The following MEMO1 variants were observed in gnomAD, a reference collection of about 807,000 sequenced individuals.
The protein encoded by MEMO1 is mediator of cell motility 1, also known as protein MEMO1.
In MEMO1, 6 loss-of-function variants were observed where a neutral mutation model predicts 45.2. The ratio of observed to expected loss-of-function variants is 0.13; its 90% CI spans 0.07 to 0.26. MEMO1 has a LOEUF of 0.26. MEMO1 is among the 10% of genes least tolerant of loss of function. The pLI is 1.00. For synonymous variants in MEMO1, 78 were observed against 124.3 expected (o/e 0.63, Z 2.48); for missense variants, 184 against 370.5 (o/e 0.50, Z 4.13).
At chr2:31,888,250 C>G (rs1034220159) in intron 7 of MEMO1, among the ~76,000 whole-genome samples, 11 of 151,978 alleles carry the variant, frequency 7.2e-5, no homozygotes, top group African/African-American at 2.7e-4. Flanking sequence ...ATCCTCCTGC[C>G]TCAGCCTCCC....
intron 3 of MEMO1, among the ~76,000 whole-genome samples, chr2:31,933,405 A>T (rs980120580): frequency 7.4e-6 from 1 of 134,984 alleles, no homozygotes; most frequent in African/African-American, 2.7e-5. Context: ...AGAGGGGAAA[A>T]AGAGGTACAG....
intron 2 of MEMO1, among the ~76,000 whole-genome samples, chr2:31,997,284 T>A (rs1672725947): frequency 6.6e-6 from 1 of 152,048 alleles, no homozygotes; most frequent in African/African-American, 2.4e-5. Flanking sequence ...TAAGAAATCG[T>A]CAAGCAACCT....
At chr2:31,884,205 G>GA (rs1267032154) in intron 7 of MEMO1, among the ~76,000 whole-genome samples, 5 of 152,052 alleles carry the variant, frequency 3.3e-5, no homozygotes, top group African/African-American at 1.2e-4. Flanking sequence ...AAAAGTCTCA[G>GA]AAAATAAATT....
chr2:31,896,869 G>A (rs1463578846), intron 6 of MEMO1, among the ~76,000 whole-genome samples: 1 of 151,816 alleles, frequency 6.6e-6, no homozygotes, highest in African/African-American at 2.4e-5. Flanking sequence ...CACAAAAGAA[G>A]ATATACAAAT....
intron 2 of MEMO1, among the ~76,000 whole-genome samples, chr2:31,960,404 C>A (rs551997716): frequency 2.0e-5 from 3 of 152,120 alleles, no homozygotes; most frequent in South Asian, 2.1e-4. Flanking sequence ...TTAATTATAG[C>A]CTTTCTAAAC....
chr2:31,947,868 T>A (rs998859167), intron 2 of MEMO1, among the ~76,000 whole-genome samples: 6 of 152,168 alleles, frequency 3.9e-5, no homozygotes, highest in Non-Finnish European at 8.8e-5. Context: ...ATTAACAGAA[T>A]CATTCTAAAA....
At chr2:31,958,354 C>T (rs760374479) in intron 2 of MEMO1, among the ~76,000 whole-genome samples, 2 of 151,248 alleles carry the variant, frequency 1.3e-5, no homozygotes, top group African/African-American at 2.4e-5. Flanking sequence ...CTGAAGCAGA[C>T]GTGTTAATGT....
chr2:31,943,666 A>G (rs563134968), intron 2 of MEMO1, among the ~76,000 whole-genome samples: 2 of 152,342 alleles, frequency 1.3e-5, no homozygotes, highest in Non-Finnish European at 2.9e-5. Flanking sequence ...AGTTGAGGCA[A>G]TATTTAAACA....
chr2:31,986,525 G>T (rs1671283951), intron 2 of MEMO1, among the ~76,000 whole-genome samples: 1 of 152,076 alleles, frequency 6.6e-6, no homozygotes, highest in African/African-American at 2.4e-5. Flanking sequence ...TATTTATTGT[G>T]TAACCAAAAT....
intron 3 of MEMO1, among the ~76,000 whole-genome samples, chr2:31,940,906 TCTC>T (rs1315612982): frequency 1.3e-5 from 2 of 152,082 alleles, no homozygotes; most frequent in Admixed American, 6.6e-5. Flanking sequence ...ATACACTACT[TCTC>T]ATCATCTCTG....
chr2:31,928,479 G>C (rs1026906549), intron 4 of MEMO1, among the ~76,000 whole-genome samples: 4 of 151,286 alleles, frequency 2.6e-5, no homozygotes, highest in African/African-American at 9.7e-5. Context: ...CTCAGGAGGC[G>C]GAGGTTGCAG....
At chr2:31,899,570 C>A (rs2148033360) in intron 6 of MEMO1, among the ~76,000 whole-genome samples, 1 of 152,274 alleles carries the variant, frequency 6.6e-6, no homozygotes, top group Non-Finnish European at 1.5e-5. Flanking sequence ...AGACCTAAAA[C>A]CATAAAAACT....
At chr2:31,922,149 A>C (rs541482423) in intron 4 of MEMO1, among the ~76,000 whole-genome samples, 38 of 152,292 alleles carry the variant, frequency 2.5e-4, no homozygotes, top group African/African-American at 8.7e-4. Flanking sequence ...TTGCTCAATT[A>C]ATGAACAAAA....
At chr2:31,879,792 A>G (rs1675083604) in intron 8 of MEMO1, among the ~76,000 whole-genome samples, 1 of 152,202 alleles carries the variant, frequency 6.6e-6, no homozygotes, top group African/African-American at 2.4e-5. Context: ...AATACTCAAT[A>G]AATACATGTG....
intron 3 of MEMO1, among the ~76,000 whole-genome samples, chr2:31,940,551 A>G (rs1665489582): frequency 6.6e-6 from 1 of 152,192 alleles, no homozygotes. Flanking sequence ...TCTTAAAAAT[A>G]TATTTAAAGA....
intron 2 of MEMO1, among the ~76,000 whole-genome samples, chr2:32,004,030 T>G (rs1022456142): frequency 6.6e-6 from 1 of 151,760 alleles, no homozygotes; most frequent in Non-Finnish European, 1.5e-5. Flanking sequence ...CAAAAAATTT[T>G]AAAACTTAGC....
chr2:31,874,658 C>T (rs1674297220), intron 8 of MEMO1, among the ~76,000 whole-genome samples: 1 of 151,774 alleles, frequency 6.6e-6, no homozygotes, highest in Non-Finnish European at 1.5e-5. Context: ...TACTTAGTTT[C>T]TTTTTACTCT....
At chr2:31,983,814 G>A (rs1190992437) in intron 2 of MEMO1, among the ~76,000 whole-genome samples, 1 of 152,182 alleles carries the variant, frequency 6.6e-6, no homozygotes, top group African/African-American at 2.4e-5. Flanking sequence ...TACCCACAGG[G>A]CAGGAAAATA....
rs181473909 is a variant in MEMO1, at chr2:31,907,550, T to A, written c.437+10376A>T. The stretch of plus-strand genomic sequence containing the variant: ...TGGCTCACACCTGTAATCCCAGCAC[T>A]TCAGGAGGCTGAGGCAGGCAGATCA... On this transcript the variant is annotated intron_variant, in intron 6 of 9. Coordinates refer to ENST00000404530, the MANE Select transcript of MEMO1 (RefSeq NM_001301833.4). Among the ~76,000 whole-genome samples the A allele has an allele frequency of 3.9e-3, 587 of 152,248 alleles. 5 individuals carry two copies. Among genetic ancestry groups the A allele is most frequent in the African/African-American group, 0.014 (576 of 41,538 alleles).
Sources: gnomAD v4.1 joint callset for allele counts (sites outside exome capture counted in the v4.1 genomes callset) on GRCh38, gnomAD v4.1.1 for gene constraint, MANE v1.5 for transcripts, NCBI Gene and HGNC (gene_info 2026-07-23, HGNC 2026-07-21) for gene names.